Variants in ADAMTS2 observed in about 807,000 individuals in gnomAD.
ADAMTS2 encodes the protein A disintegrin and metalloproteinase with thrombospondin motifs 2.
In ADAMTS2, 50 loss-of-function variants were observed where a neutral mutation model predicts 123.0. That is an observed-to-expected ratio of 0.41 (90% CI 0.32 to 0.51). ADAMTS2 has a LOEUF of 0.51. Among genes scored for constraint, ADAMTS2 ranks in the 20% least tolerant of loss-of-function variants. The pLI is 0.35. For synonymous variants in ADAMTS2, 678 were observed against 695.4 expected (o/e 0.98, Z 0.39); for missense variants, 1,494 against 1,705.2 (o/e 0.88, Z 2.18).
rs570239309 is a variant in ADAMTS2, at chr5:179,285,661, A to G, written c.535-12597T>C. Among the ~76,000 whole-genome samples, 3 of 152,318 alleles carry G rather than the reference A, an allele frequency of 2.0e-5. No individual in the cohort carries two copies. The highest frequency in any genetic ancestry group is 4.1e-4 in the South Asian group (2 of 4,828). On this transcript the variant is annotated intron_variant, in intron 2 of 21. Transcript: ENST00000251582. This position sits in a 1 kb window ranked among gnomAD's most constrained non-coding sequence, Gnocchi z 4.9. ...GTCCCGGCCAGATTCTCTGGCTGAC[A>G]TTTCCCAGGTCTCGTTCAGCATGAA...
At chr5:179,249,823 A>G (rs1444456710) in intron 3 of ADAMTS2, among the ~76,000 whole-genome samples, 1 of 152,206 alleles carries the variant, frequency 6.6e-6, no homozygotes, top group East Asian at 1.9e-4. Flanking sequence ...TATCACTTAA[A>G]GAATTAATAT....
At chr5:179,217,878 C>T (rs56144979) in intron 3 of ADAMTS2, among the ~76,000 whole-genome samples, 6 of 80,738 alleles carry the variant, frequency 7.4e-5, no homozygotes, top group Non-Finnish European at 1.2e-4. Flanking sequence ...TGAGGGCAGA[C>T]GGCACACTCA....
Position 179,202,093 on chromosome 5 carries a change from A to G in ADAMTS2, c.891+5420T>C, listed in dbSNP as rs147178206. On this transcript the variant is annotated intron_variant, in intron 4 of 21. Transcript: ENST00000251582. The surrounding 1 kb of genome is among the most constrained non-coding windows in gnomAD (Gnocchi z 4.0). ...GAATATCACGTCTTGTCTTTAACATAGACAGGAAGCAGCCCCTCCAGTGAT... is the reference window on the plus strand; with the variant it reads ...GAATATCACGTCTTGTCTTTAACATGGACAGGAAGCAGCCCCTCCAGTGAT... Among the ~76,000 whole-genome samples the G allele has an allele frequency of 4.8e-4, 73 of 152,286 alleles. No homozygotes were observed. Among genetic ancestry groups the G allele is most frequent in the Non-Finnish European group, 7.9e-4 (54 of 68,016 alleles).
At chr5:179,283,443 A>C (rs1162483626) in intron 2 of ADAMTS2, among the ~76,000 whole-genome samples, 1 of 151,748 alleles carries the variant, frequency 6.6e-6, no homozygotes, top group African/African-American at 2.4e-5. Context: ...TACAAGCTGA[A>C]GAATTCTACT....
Position 179,260,245 on chromosome 5 carries a change from T to A in ADAMTS2, c.688+12666A>T, listed in dbSNP as rs75046336. Among the ~76,000 whole-genome samples, 3,920 of 152,272 alleles carry A rather than the reference T, an allele frequency of 0.026. 137 individuals are homozygous for A. The highest frequency in any genetic ancestry group is 0.08 in the African/African-American group (3,321 of 41,548). ...CTCCAATGCCTGCAGGGAGCAACTGTTGCTCCCGGAGTGAGCTCCTGGGCG... is the reference window on the plus strand; with the variant it reads ...CTCCAATGCCTGCAGGGAGCAACTGATGCTCCCGGAGTGAGCTCCTGGGCG... On this transcript the variant is annotated intron_variant, in intron 3 of 21. Coordinates refer to ENST00000251582, the MANE Select transcript of ADAMTS2 (RefSeq NM_014244.5). The surrounding 1 kb of genome is among the most constrained non-coding windows in gnomAD (Gnocchi z 4.2).
At position 179,272,872 on chromosome 5, in the gene ADAMTS2, G is replaced by A; in HGVS notation, c.688+39C>T. 1.3e-6 allele frequency: 2 copies of A among 1,597,716 alleles called. No individual in the cohort carries two copies. Among genetic ancestry groups the A allele is most frequent in the Admixed American group, 3.4e-5 (2 of 59,598 alleles). On this transcript the variant is annotated intron_variant, in intron 3 of 21. Transcript: ENST00000251582. The surrounding 1 kb of genome is among the most constrained non-coding windows in gnomAD (Gnocchi z 5.8). ...CTCCCCTGGGGACCAGGGCCTCAGA[G>A]GGCTCTCCACACAGCCTGCCCACCT...
intron 5 of ADAMTS2, among the ~76,000 whole-genome samples, chr5:179,160,526 G>A (rs1383819590): frequency 3.3e-5 from 5 of 152,222 alleles, no homozygotes; most frequent in African/African-American, 1.2e-4. Context: ...CACAATTCAA[G>A]GCTAGGTAAG....
intron 2 of ADAMTS2, among the ~76,000 whole-genome samples, chr5:179,274,900 G>A (rs1442977862): frequency 1.3e-5 from 2 of 152,246 alleles, no homozygotes; most frequent in Non-Finnish European, 2.9e-5. Flanking sequence ...CCGGCAGGAG[G>A]TGACATCTAC....
In ADAMTS2 at chr5:179,307,270, A is replaced by C. The variant is rs1332978083; in HGVS notation, c.535-34206T>G. Among the ~76,000 whole-genome samples, 1 of 152,132 alleles carries C rather than the reference A, an allele frequency of 6.6e-6. No homozygotes were observed. ...GAGAGCATCGCACCCTGCAAGCCTC[A>C]GCCTTCAGGGACGGCAAGACCTGGG... On this transcript the variant is annotated intron_variant, in intron 2 of 21. Coordinates refer to ENST00000251582, the MANE Select transcript of ADAMTS2 (RefSeq NM_014244.5). The surrounding 1 kb of genome is among the most constrained non-coding windows in gnomAD (Gnocchi z 5.6).
At position 179,132,421 on chromosome 5, in the gene ADAMTS2, C is replaced by T. The variant is rs1762980903; in HGVS notation, c.2210-111G>A. ...GAAGGCAGCTCCTCCGGAGGCTCTC[C>T]CAGGACCCTGGTATTTCTCTGGCTT... On this transcript the variant is annotated intron_variant, in intron 14 of 21. Coordinates refer to ENST00000251582, the MANE Select transcript of ADAMTS2 (RefSeq NM_014244.5). The surrounding 1 kb of genome is among the most constrained non-coding windows in gnomAD (Gnocchi z 6.1). The T allele has an allele frequency of 9.3e-7, 1 of 1,071,268 alleles. No homozygotes were observed. Among genetic ancestry groups the T allele is most frequent in the Non-Finnish European group, 1.4e-6 (1 of 717,236 alleles). 66.4% of individuals were successfully genotyped at this position (1,071,268 alleles called of 1,614,324 possible). A position where few individuals can be genotyped will look rare whatever the true frequency, so the allele number is the denominator to read the frequency against.
In ADAMTS2 at chr5:179,126,064, C is replaced by T; in HGVS notation, c.2684G>A (p.Cys895Tyr). The change falls in exon 18 of 22, where the codon TGT becomes TAT. Residue 895 changes from cysteine to tyrosine, a missense_variant. Cys to Tyr is a radical substitution (Grantham distance 194, BLOSUM62 -2). Coordinates refer to ENST00000251582, the MANE Select transcript of ADAMTS2 (RefSeq NM_014244.5). ...LDHKMVHRGF[C>Y]AALSKPKAIR... ...GGCTTTGGGCTTCGAGAGGGCGGCA[C>T]AGAAGCCACGGTGTACCATCTTGTG... 1 of 1,613,366 alleles carries T rather than the reference C, an allele frequency of 6.2e-7. No individual in the cohort carries two copies. Among genetic ancestry groups the T allele is most frequent in the Non-Finnish European group, 8.5e-7 (1 of 1,180,028 alleles).
intron 17 of ADAMTS2, among the ~76,000 whole-genome samples, chr5:179,127,127 G>A (rs1433477813): frequency 6.6e-6 from 1 of 152,228 alleles, no homozygotes; most frequent in Non-Finnish European, 1.5e-5. Context: ...TGGGGTGAGA[G>A]TGGACACACA....
At chr5:179,318,252 C>G (rs1757056422) in intron 2 of ADAMTS2, among the ~76,000 whole-genome samples, 1 of 152,220 alleles carries the variant, frequency 6.6e-6, no homozygotes. Context: ...AATAAAATGG[C>G]AGCATTTACT....
At chr5:179,261,233 C>T (rs1262583695) in intron 3 of ADAMTS2, among the ~76,000 whole-genome samples, 1 of 152,204 alleles carries the variant, frequency 6.6e-6, no homozygotes, top group East Asian at 1.9e-4. Flanking sequence ...TAATCAAACC[C>T]AGGGAAGATC....
chr5:179,296,277 G>A (rs909171563), intron 2 of ADAMTS2, among the ~76,000 whole-genome samples: 6 of 150,256 alleles, frequency 4.0e-5, no homozygotes, highest in Non-Finnish European at 7.4e-5. Context: ...GATGGGACCC[G>A]GGAGCAGCCG....
intron 3 of ADAMTS2, among the ~76,000 whole-genome samples, chr5:179,267,704 C>T (rs1434939120): frequency 6.6e-6 from 1 of 152,192 alleles, no homozygotes; most frequent in African/African-American, 2.4e-5. Flanking sequence ...ATATAGTGAG[C>T]ACGGGAGGGG....
At chr5:179,220,307 C>A (rs1765097599) in intron 3 of ADAMTS2, among the ~76,000 whole-genome samples, 1 of 152,210 alleles carries the variant, frequency 6.6e-6, no homozygotes. Context: ...GTGCTGACAG[C>A]CAGTGCCACG....
rs557040374 is a variant in ADAMTS2 at position 179,128,455 on chromosome 5, C to G, written c.2458-337G>C. On this transcript the variant is annotated intron_variant, in intron 16 of 21. Coordinates refer to ENST00000251582, the MANE Select transcript of ADAMTS2 (RefSeq NM_014244.5). This position sits in a 1 kb window ranked among gnomAD's most constrained non-coding sequence, Gnocchi z 4.9. Reference sequence around the variant, plus strand: ...TAGCCCAGGCTGGAGTGTAGTGGCACGATCTCGGCTCACTGCAACCTCCGC... The same window carrying G: ...TAGCCCAGGCTGGAGTGTAGTGGCAGGATCTCGGCTCACTGCAACCTCCGC... Among the ~76,000 whole-genome samples, 2 of 152,118 alleles carry G rather than the reference C, an allele frequency of 1.3e-5. No individual in the cohort carries two copies. Among genetic ancestry groups the G allele is most frequent in the Non-Finnish European group, 2.9e-5 (2 of 68,016 alleles).
Position 179,285,637 on chromosome 5 carries a change from TC to T in ADAMTS2, c.535-12574del, listed in dbSNP as rs138467138. 4.0e-3 allele frequency among the ~76,000 whole-genome samples: 610 copies of T among 152,294 alleles called. 4 individuals carry two copies. Among genetic ancestry groups the T allele is most frequent in the African/African-American group, 0.014 (587 of 41,556 alleles). ...TATTTGTGACGAGAACTGACACTCGTCCCGGCCAGATTCTCTGGCTGACATT... is the reference window on the plus strand; with the variant it reads ...TATTTGTGACGAGAACTGACACTCGTCCGGCCAGATTCTCTGGCTGACATT... On this transcript the variant is annotated intron_variant, in intron 2 of 21. Coordinates refer to ENST00000251582, the MANE Select transcript of ADAMTS2 (RefSeq NM_014244.5). This position sits in a 1 kb window ranked among gnomAD's most constrained non-coding sequence, Gnocchi z 4.9.
Sources: allele counts gnomAD v4.1 joint callset (sites outside exome capture counted in the v4.1 genomes callset), GRCh38; gene constraint gnomAD v4.1.1; non-coding constraint Gnocchi (gnomAD v3.1); transcripts MANE v1.5; gene names NCBI Gene and HGNC (gene_info 2026-07-23, HGNC 2026-07-21).